The following TMEM268 variants were observed in gnomAD, a reference collection of about 807,000 sequenced individuals.
The protein encoded by TMEM268 is transmembrane protein C9orf91.
In TMEM268, 24 loss-of-function variants were observed where a neutral mutation model predicts 39.1. The ratio of observed to expected loss-of-function variants is 0.61; its 90% CI spans 0.44 to 0.86. The LOEUF is 0.86. TMEM268 is among the 40% of genes least tolerant of loss of function. TMEM268 has a pLI of 0.00. For synonymous variants in TMEM268, 176 were observed against 173.5 expected (o/e 1.01, Z -0.12); for missense variants, 409 against 428.6 (o/e 0.95, Z 0.40).
chr9:114,614,667 C>T (rs1845632293), intron 1 of TMEM268, among the ~76,000 whole-genome samples: 1 of 152,158 alleles, frequency 6.6e-6, no homozygotes, highest in Non-Finnish European at 1.5e-5. Context: ...CATCTAGAAC[C>T]ATGGCAGCAA....
intron 8 of TMEM268, 51 bp downstream of exon 8, chr9:114,638,777 A>G (rs576747539): frequency 2.1e-6 from 3 of 1,429,058 alleles, no homozygotes; most frequent in South Asian, 3.0e-5. Flanking sequence ...GGGAATTTGC[A>G]TAGAGAAAGC....
At chr9:114,624,728 C>T (rs1225938323) in intron 3 of TMEM268, among the ~76,000 whole-genome samples, 1 of 152,208 alleles carries the variant, frequency 6.6e-6, no homozygotes, top group East Asian at 1.9e-4. Flanking sequence ...GTACCTATGT[C>T]CACAGATCCC....
intron 5 of TMEM268, among the ~76,000 whole-genome samples, chr9:114,630,794 G>T (rs983804498): frequency 6.6e-6 from 1 of 152,186 alleles, no homozygotes; most frequent in African/African-American, 2.4e-5. Context: ...TAAGTAACCA[G>T]TCCATGGCCA....
In TMEM268 at chr9:114,626,930, A is replaced by C; in HGVS notation, c.248A>C (p.Glu83Ala). 6.2e-7 allele frequency: 1 copy of C among 1,613,760 alleles called. No individual in the cohort carries two copies. The highest frequency in any genetic ancestry group is 8.5e-7 in the Non-Finnish European group (1 of 1,179,670). ...VPADQYRSLA[E>A]SALLEPQVRR... ...GCTGACCAGTACAGGAGCTTGGCTG[A>C]GAGTGCCCTCTTGGAGCCCCAAGTG... is the stretch of plus-strand genomic sequence containing the variant. Residue 83 changes from glutamate (E) to alanine (A), a missense_variant, in exon 4 of 9, where the codon GAG becomes GCG. Glu to Ala is a moderately radical substitution (Grantham distance 107). Coordinates refer to ENST00000288502, the MANE Select transcript of TMEM268 (RefSeq NM_153045.4).
intron 1 of TMEM268, among the ~76,000 whole-genome samples, chr9:114,616,055 G>A (rs565478829): frequency 6.4e-4 from 71 of 111,078 alleles, no homozygotes; most frequent in African/African-American, 2.4e-3. Context: ...TTGCTCTGTC[G>A]TCCAGGCTGG....
the TMEM268 span, among the ~76,000 whole-genome samples, chr9:114,605,916 G>A: frequency 2.0e-5 from 3 of 151,844 alleles, no homozygotes; most frequent in African/African-American, 4.8e-5. Context: ...GGGTAACAAA[G>A]TTGAGATCCT....
At position 114,643,616 on chromosome 9, in the gene TMEM268, C is replaced by A. The variant is rs547197978; in HGVS notation, c.*303C>A. ...GGACACGTATGGAAAGACTGGACCCCCATTGCTTTCATTGTTCAGAGAACC... is the reference window on the plus strand; with the variant it reads ...GGACACGTATGGAAAGACTGGACCCACATTGCTTTCATTGTTCAGAGAACC... On this transcript the variant is annotated 3_prime_UTR_variant, in exon 9 of 9. Coordinates refer to ENST00000288502, the MANE Select transcript of TMEM268 (RefSeq NM_153045.4). The A allele has an allele frequency of 7.7e-6, 2 of 261,094 alleles. No individual in the cohort carries two copies. Among genetic ancestry groups the A allele is most frequent in the East Asian group, 1.5e-4 (2 of 13,358 alleles). The allele number at this position is 261,094 out of a possible 1,614,324, so 16.2% of individuals were successfully genotyped here.
chr9:114,618,491 TA>T (rs1362697272), intron 2 of TMEM268, among the ~76,000 whole-genome samples: 2 of 152,078 alleles, frequency 1.3e-5, no homozygotes, highest in Admixed American at 1.3e-4. Flanking sequence ...GCCAACATGG[TA>T]AAACCCTTTC....
rs1233985141 is a variant in TMEM268, at chr9:114,614,989, C to T, written c.-78-2129C>T. Reference sequence around the variant, plus strand: ...TCGGCTCACTGCAGTCTCTGCCTCCCGGGTTCAAGTGATTCTCCTGCCTCA... The same window carrying T: ...TCGGCTCACTGCAGTCTCTGCCTCCTGGGTTCAAGTGATTCTCCTGCCTCA... On this transcript the variant is annotated intron_variant, in intron 1 of 8. Transcript: ENST00000288502. Among the ~76,000 whole-genome samples, 7 of 151,648 alleles carry T rather than the reference C, an allele frequency of 4.6e-5. No homozygotes were observed. In the South Asian group the frequency reaches 6.3e-4, roughly 14 times the overall value.
intron 3 of TMEM268, among the ~76,000 whole-genome samples, chr9:114,625,559 C>T (rs1846123903): frequency 6.6e-6 from 1 of 150,752 alleles, no homozygotes. Flanking sequence ...ATTCTGATGC[C>T]TCAGCCTCCC....
chr9:114,614,957 C>T (rs1016427587), intron 1 of TMEM268, among the ~76,000 whole-genome samples: 24 of 145,556 alleles, frequency 1.6e-4, no homozygotes, highest in Non-Finnish European at 3.0e-4. Context: ...AGGGCAGTGG[C>T]GTGATCTCGG....
Position 114,611,533 on chromosome 9 carries a change from T to TGGCGGCGGC in TMEM268, c.-93_-85dup, listed in dbSNP as rs3035396. 4.4e-3 allele frequency: 720 copies of TGGCGGCGGC among 163,612 alleles called. 8 individuals carry two copies. Among genetic ancestry groups the TGGCGGCGGC allele is most frequent in the East Asian group, 0.018 (98 of 5,526 alleles). 10.1% of individuals were successfully genotyped at this position (163,612 alleles called of 1,614,324 possible). On this transcript the variant is annotated 5_prime_UTR_variant, in exon 1 of 9. Transcript: ENST00000288502. ...GCCCCCGACCTTCCGCGTCCCGGGGTGGCGGCGGCGGCGGCGGCGGCGGCG... is the reference window on the plus strand; with the variant it reads ...GCCCCCGACCTTCCGCGTCCCGGGGTGGCGGCGGCGGCGGCGGCGGCGGCGGCGGCGGCG...
At chr9:114,608,680 G>A (rs77127071), upstream of TMEM268, among the ~76,000 whole-genome samples, 53 of 152,244 alleles carry the variant, frequency 3.5e-4, no homozygotes, top group East Asian at 4.8e-3. Flanking sequence ...GCTCCCACGC[G>A]TCTAAATTGT....
chr9:114,604,056 G>A, the TMEM268 span, among the ~76,000 whole-genome samples: 2 of 151,624 alleles, frequency 1.3e-5, no homozygotes, highest in African/African-American at 4.9e-5. Flanking sequence ...AGAGGTTAAG[G>A]AACCAGCCCA....
At chr9:114,635,860 G>A (rs746335712) in intron 6 of TMEM268, among the ~76,000 whole-genome samples, 1 of 152,196 alleles carries the variant, frequency 6.6e-6, no homozygotes, top group Non-Finnish European at 1.5e-5. Context: ...GAGTGGCCAT[G>A]AGGTGACCTA....
chr9:114,623,094 AAACAACAACAACAAC>A (rs200137316), intron 2 of TMEM268, among the ~76,000 whole-genome samples: 1 of 151,636 alleles, frequency 6.6e-6, no homozygotes, highest in African/African-American at 2.4e-5. Flanking sequence ...TGTCTCCAAA[AAACAACAACAACAAC>A]AACAACAACA....
rs774867207 is a variant in TMEM268 at position 114,624,357 on chromosome 9, C to T, written c.114C>T (p.His38=). The change falls in exon 3 of 9, where the codon CAC becomes CAT. Residue 38 remains histidine (H), a synonymous_variant. Transcript: ENST00000288502. ...GSPPGWGQEL[H]NGQVLTVLRI... ...CTTCTGGTCTGCTTCCAGAGCTCCA[C>T]AATGGCCAGGTCCTCACTGTTCTCC... 2.5e-6 allele frequency: 4 copies of T among 1,600,604 alleles called. No homozygotes were observed. In the African/African-American group the frequency reaches 5.3e-5, roughly 21 times the overall value.
chr9:114,638,617 G>T lies in TMEM268; in HGVS notation c.740G>T (p.Gly247Val). 1 of 1,610,074 alleles carries T rather than the reference G, an allele frequency of 6.2e-7. No individual in the cohort carries two copies. The highest frequency in any genetic ancestry group is 8.5e-7 in the Non-Finnish European group (1 of 1,178,412). Residue 247 changes from glycine to valine, a missense_variant, in exon 8 of 9, where the codon GGG becomes GTG. Transcript: ENST00000288502. ...ETGVSPATAE[G>V]PENLEDAPLL... Reference sequence around the variant, plus strand: ...GGGGTGAGCCCTGCAACAGCGGAGGGGCCTGAGAACTTGGAGGATGCTCCT... The same window carrying T: ...GGGGTGAGCCCTGCAACAGCGGAGGTGCCTGAGAACTTGGAGGATGCTCCT...
intron 2 of TMEM268, among the ~76,000 whole-genome samples, chr9:114,621,935 G>A (rs1326292477): frequency 6.6e-6 from 1 of 152,198 alleles, no homozygotes; most frequent in African/African-American, 2.4e-5. Context: ...TTTTCTCAAG[G>A]CATTGGTGTC....
Sources: allele counts gnomAD v4.1 joint callset (sites outside exome capture counted in the v4.1 genomes callset), GRCh38; gene constraint gnomAD v4.1.1; transcripts MANE v1.5; gene names NCBI Gene and HGNC (gene_info 2026-07-23, HGNC 2026-07-21).